The following PRKG1 variants were observed in gnomAD, a reference collection of about 807,000 sequenced individuals.
The protein encoded by PRKG1 is protein kinase cGMP-dependent 1, also known as cGMP-dependent protein kinase 1.
In PRKG1, 35 loss-of-function variants were observed where a neutral mutation model predicts 88.1. That is an observed-to-expected ratio of 0.40 (90% CI 0.30 to 0.53). The LOEUF is 0.53. PRKG1 is among the 20% of genes least tolerant of loss of function. The probability of loss-of-function intolerance (pLI) is 0.59; values close to 1 mark genes in which losing one functional copy is unlikely to be tolerated. For synonymous variants in PRKG1, 303 were observed against 292.5 expected (o/e 1.04, Z -0.37); for missense variants, 540 against 839.8 (o/e 0.64, Z 4.41).
chr10:51,274,097 T>C (rs974937783), intron 2 of PRKG1, among the ~76,000 whole-genome samples: 3 of 152,224 alleles, frequency 2.0e-5, no homozygotes, highest in Non-Finnish European at 4.4e-5. Flanking sequence ...CTCCTCATAT[T>C]AAATGCTCAG....
intron 2 of PRKG1, among the ~76,000 whole-genome samples, chr10:51,249,642 A>C (rs1287649993): frequency 7.1e-6 from 1 of 140,068 alleles, no homozygotes; most frequent in African/African-American, 3.2e-5. Context: ...ATAAATGAAA[A>C]AAATGACCAT....
At chr10:51,730,761 G>A (rs1456844712) in intron 3 of PRKG1, among the ~76,000 whole-genome samples, 4 of 152,186 alleles carry the variant, frequency 2.6e-5, no homozygotes, top group African/African-American at 7.2e-5. Context: ...TGCCTGGGAG[G>A]CAACATTTTT....
chr10:52,139,142 A>T (rs1291507356), intron 8 of PRKG1, among the ~76,000 whole-genome samples: 1 of 152,128 alleles, frequency 6.6e-6, no homozygotes, highest in Non-Finnish European at 1.5e-5. Flanking sequence ...ATAGAGAAAG[A>T]TAACAAGGAA....
chr10:51,035,564 T>A (rs1203331961), intron 1 of PRKG1, among the ~76,000 whole-genome samples: 1 of 152,220 alleles, frequency 6.6e-6, no homozygotes, highest in African/African-American at 2.4e-5. Context: ...TGCTATAACC[T>A]GCTCAAGGAC....
rs193250113 is a variant in PRKG1, at chr10:52,117,671, G to A, written c.936-16169G>A. Among the ~76,000 whole-genome samples, 5 of 151,714 alleles carry A rather than the reference G, an allele frequency of 3.3e-5. No homozygotes were observed. The South Asian group carries it at 6.3e-4, about 19-fold the overall frequency. On this transcript the variant is annotated intron_variant, in intron 7 of 17. Transcript: ENST00000373980. Reference sequence around the variant, plus strand: ...AATATTTATTTTATACATGTAATTCGAATATATAATATAAAATTTAAAAGC... The same window carrying A: ...AATATTTATTTTATACATGTAATTCAAATATATAATATAAAATTTAAAAGC...
At chr10:51,444,598 T>G (rs1588964255) in intron 2 of PRKG1, among the ~76,000 whole-genome samples, 1 of 151,914 alleles carries the variant, frequency 6.6e-6, no homozygotes, top group Admixed American at 6.6e-5. Flanking sequence ...AGGCAGCATC[T>G]TGAATACTTT....
rs555504866 is a variant in PRKG1, at chr10:51,300,207, T to C, written c.478+146877T>C. On this transcript the variant is annotated intron_variant, in intron 2 of 17. Coordinates refer to ENST00000373980, the MANE Select transcript of PRKG1 (RefSeq NM_006258.4). ...CAAGTTATTTTGCTGAGGCTTGAAT[T>C]TGAATTGTGTGTTGGTGAATGAGGC... is the stretch of plus-strand genomic sequence containing the variant. 3.9e-5 allele frequency among the ~76,000 whole-genome samples: 6 copies of C among 152,316 alleles called. No homozygotes were observed. In the South Asian group the frequency reaches 8.3e-4, roughly 21 times the overall value.
chr10:51,550,991 A>C (rs1429315912), intron 3 of PRKG1, among the ~76,000 whole-genome samples: 1 of 151,936 alleles, frequency 6.6e-6, no homozygotes, highest in African/African-American at 2.4e-5. Flanking sequence ...TTTATTAAGA[A>C]ATACATGTCC....
chr10:51,066,404 C>A (rs1843749937), intron 1 of PRKG1, among the ~76,000 whole-genome samples: 1 of 151,950 alleles, frequency 6.6e-6, no homozygotes, highest in African/African-American at 2.4e-5. Context: ...ACAGGCTGGG[C>A]AAATTGTGGT....
At chr10:51,961,788 C>T (rs1262884514) in intron 5 of PRKG1, among the ~76,000 whole-genome samples, 2 of 152,090 alleles carry the variant, frequency 1.3e-5, no homozygotes, top group African/African-American at 4.8e-5. Context: ...GTATTCGATA[C>T]TTGAGGTAGT....
chr10:51,635,151 T>A (rs1419774345), intron 3 of PRKG1, among the ~76,000 whole-genome samples: 2 of 152,052 alleles, frequency 1.3e-5, no homozygotes, highest in African/African-American at 4.8e-5. Context: ...TAATAGCCTG[T>A]CCTGCATTTG....
At chr10:51,303,419 T>G (rs1012909852) in intron 2 of PRKG1, among the ~76,000 whole-genome samples, 2 of 151,908 alleles carry the variant, frequency 1.3e-5, no homozygotes, top group African/African-American at 4.8e-5. Flanking sequence ...GCCTCATGTG[T>G]GCGCTGTCAG....
chr10:51,890,001 T>C (rs1841677302), intron 4 of PRKG1, among the ~76,000 whole-genome samples: 1 of 152,230 alleles, frequency 6.6e-6, no homozygotes, highest in South Asian at 2.1e-4. Context: ...TCTCCCATTC[T>C]TTAGGTTGCC....
intron 5 of PRKG1, among the ~76,000 whole-genome samples, chr10:52,017,996 C>G (rs750301537): frequency 5.9e-5 from 9 of 151,918 alleles, no homozygotes; most frequent in Non-Finnish European, 1.2e-4. Flanking sequence ...TGGAGACACT[C>G]ACATTAATAT....
chr10:51,753,120 T>C (rs929100030), intron 3 of PRKG1, among the ~76,000 whole-genome samples: 2 of 152,136 alleles, frequency 1.3e-5, no homozygotes, highest in East Asian at 1.9e-4. Context: ...TCTAATTATA[T>C]TACAAATGAT....
At chr10:52,258,425 C>G (rs970044410) in intron 10 of PRKG1, among the ~76,000 whole-genome samples, 1 of 148,210 alleles carries the variant, frequency 6.7e-6, no homozygotes, top group African/African-American at 2.4e-5. Flanking sequence ...TTATAATCTT[C>G]AAATTACTTT....
chr10:51,701,812 G>A (rs1841475882), intron 3 of PRKG1, among the ~76,000 whole-genome samples: 1 of 151,202 alleles, frequency 6.6e-6, no homozygotes, highest in Non-Finnish European at 1.5e-5. Context: ...TCTTGACAGA[G>A]TTTCTTTACT....
chr10:51,379,148 C>G (rs1319337032), intron 2 of PRKG1, among the ~76,000 whole-genome samples: 2 of 152,164 alleles, frequency 1.3e-5, no homozygotes, highest in Non-Finnish European at 2.9e-5. Context: ...ATTACTGACA[C>G]ATAGATTGTG....
chr10:51,675,673 A>T (rs1840692758), intron 3 of PRKG1, among the ~76,000 whole-genome samples: 1 of 152,178 alleles, frequency 6.6e-6, no homozygotes, highest in Non-Finnish European at 1.5e-5. Context: ...CTCCCCTTCG[A>T]ATTGTTTTAA....
Sources: allele counts gnomAD v4.1 joint callset (sites outside exome capture counted in the v4.1 genomes callset), GRCh38; gene constraint gnomAD v4.1.1; transcripts MANE v1.5; gene names NCBI Gene and HGNC (gene_info 2026-07-23, HGNC 2026-07-21).